Variants in ZNF32 observed in about 807,000 individuals in gnomAD.
The protein encoded by ZNF32 is zinc finger protein 32.
In ZNF32, 13 loss-of-function variants were observed where a neutral mutation model predicts 24.4. The ratio of observed to expected loss-of-function variants is 0.53; its 90% CI spans 0.35 to 0.85. ZNF32 has a LOEUF of 0.85. Ranked by LOEUF, ZNF32 falls within the 40% of genes least tolerant of loss-of-function variation. The pLI is 0.01. For synonymous variants in ZNF32, 115 were observed against 117.4 expected (o/e 0.98, Z 0.13); for missense variants, 239 against 325.3 (o/e 0.73, Z 2.04).
rs1264912779 is a variant in ZNF32 at position 43,644,147 on chromosome 10, T to C, written c.725A>G (p.Glu242Gly). 1 of 1,614,206 alleles carries C rather than the reference T, an allele frequency of 6.2e-7. No individual in the cohort carries two copies. Among genetic ancestry groups the C allele is most frequent in the Non-Finnish European group, 8.5e-7 (1 of 1,180,038 alleles). ...CILHGKIHTGETPYLCGQCGK... is the reference protein window; with the variant it reads ...CILHGKIHTGGTPYLCGQCGK... ...ACACTGGCCGCACAGATAGGGTGTC[T>C]CTCCTGTGTGGATTTTGCCATGCAG... Residue 242 changes from glutamate (E) to glycine (G), a missense_variant, in exon 3 of 3, where the codon GAG becomes GGG. Glu to Gly is a moderately conservative substitution (Grantham distance 98). Transcript: ENST00000374433. This position sits in a 1 kb window ranked among gnomAD's most constrained non-coding sequence, Gnocchi z 5.3.
chr10:43,645,036 A>G (rs533532700), intron 2 of ZNF32: 87 of 450,896 alleles, frequency 1.9e-4, no homozygotes, highest in African/African-American at 1.5e-3. Flanking sequence ...CATTCTCCAT[A>G]GCAGTGTACT....
intron 1 of ZNF32, chr10:43,647,549 C>G (rs925775300): frequency 1.3e-5 from 2 of 152,160 alleles, no homozygotes; most frequent in Admixed American, 1.3e-4. Context: ...TGCTACCATT[C>G]TTTGTTTTGT....
chr10:43,648,453 G>T (rs1332087864), intron 1 of ZNF32: 3 of 152,086 alleles, frequency 2.0e-5, no homozygotes, highest in Non-Finnish European at 4.4e-5. Flanking sequence ...AGCCCGCACG[G>T]AGGCCGGGTG....
rs763203351 is a variant in ZNF32, at chr10:43,646,112, T to TA, written c.21dup (p.Thr8TyrfsTer21). ...TATCTTCCATGACAGTCCAGCAGGG[T>TA]AGCTGTTGGAAATCCAAACATGTCC... On this transcript the variant is annotated frameshift_variant, in exon 2 of 3. Coordinates refer to ENST00000374433, the MANE Select transcript of ZNF32 (RefSeq NM_006973.3). LOFTEE classifies it high-confidence loss of function. 2 of 1,614,102 alleles carry TA rather than the reference T, an allele frequency of 1.2e-6. No homozygotes were observed. Among genetic ancestry groups the TA allele is most frequent in the Non-Finnish European group, 1.7e-6 (2 of 1,179,996 alleles).
At position 43,644,444 on chromosome 10, in the gene ZNF32, C is replaced by A; in HGVS notation, c.428G>T (p.Ser143Ile). 6.2e-7 allele frequency: 1 copy of A among 1,614,198 alleles called. No homozygotes were observed. The highest frequency in any genetic ancestry group is 8.5e-7 in the Non-Finnish European group (1 of 1,180,030). Residue 143 changes from serine (S) to isoleucine (I), a missense_variant, in exon 3 of 3, where the codon AGT becomes ATT. By Grantham distance (142) the Ser-to-Ile change is moderately radical. Coordinates refer to ENST00000374433, the MANE Select transcript of ZNF32 (RefSeq NM_006973.3). The surrounding 1 kb of genome is among the most constrained non-coding windows in gnomAD (Gnocchi z 5.3). ...YQCKECGKSF[S>I]QRGSLAVHER... is the part of the protein sequence containing the mutation. ...GTGGACAGCGAGACTACCTCGTTGA[C>A]TGAAGCTTTTCCCACACTCCTTGCA...
Position 43,644,824 on chromosome 10 carries a change from A to G in ZNF32, c.71-23T>C. Reference sequence around the variant, plus strand: ...CATCTGATAAAATGAGAGGGAAGTCATATAAGAAGCACCAATAATGCTGAG... The same window carrying G: ...CATCTGATAAAATGAGAGGGAAGTCGTATAAGAAGCACCAATAATGCTGAG... On this transcript the variant is annotated intron_variant, in intron 2 of 2. Coordinates refer to ENST00000374433, the MANE Select transcript of ZNF32 (RefSeq NM_006973.3). This position sits in a 1 kb window ranked among gnomAD's most constrained non-coding sequence, Gnocchi z 5.3. 1 of 1,558,290 alleles carries G rather than the reference A, an allele frequency of 6.4e-7. No homozygotes were observed. The highest frequency in any genetic ancestry group is 8.6e-7 in the Non-Finnish European group (1 of 1,157,262).
Position 43,644,365 on chromosome 10 carries a change from G to A in ZNF32, c.507C>T (p.Ser169=). The A allele has an allele frequency of 6.2e-7, 1 of 1,613,556 alleles. No homozygotes were observed. Among genetic ancestry groups the A allele is most frequent in the Non-Finnish European group, 8.5e-7 (1 of 1,179,590 alleles). Residue 169 remains serine, a synonymous_variant, in exon 3 of 3, where the codon AGC becomes AGT. Transcript: ENST00000374433. This position sits in a 1 kb window ranked among gnomAD's most constrained non-coding sequence, Gnocchi z 5.3. ...KPYECAICQR[S]FRNQSNLAVH... ...CAGCAAGGTTACTCTGATTCCTGAA[G>A]CTTCTCTGACAAATAGCACACTCGT...
intron 2 of ZNF32, among the ~76,000 whole-genome samples, chr10:43,645,656 T>C (rs1343969747): frequency 2.0e-5 from 3 of 152,200 alleles, no homozygotes; most frequent in Non-Finnish European, 2.9e-5. Flanking sequence ...TTATTCTCTA[T>C]GCAGATATTG....
Position 43,646,059 on chromosome 10 carries a change from C to G in ZNF32, c.70+5G>C. 1 of 1,614,096 alleles carries G rather than the reference C, an allele frequency of 6.2e-7. No individual in the cohort carries two copies. The highest frequency in any genetic ancestry group is 8.5e-7 in the Non-Finnish European group (1 of 1,179,986). Reference sequence around the variant, plus strand: ...GCGCATCCAGCCATCAACTGACTCACTCACTGAAGAACGCTACATTCTGGG... The same window carrying G: ...GCGCATCCAGCCATCAACTGACTCAGTCACTGAAGAACGCTACATTCTGGG... On this transcript the variant is annotated splice_donor_5th_base_variant and intron_variant, in intron 2 of 2. Coordinates refer to ENST00000374433, the MANE Select transcript of ZNF32 (RefSeq NM_006973.3).
intron 1 of ZNF32, 166 bp from the exon 2 acceptor site, chr10:43,646,368 C>T (rs1839288296): frequency 2.0e-6 from 1 of 501,064 alleles, no homozygotes; most frequent in South Asian, 2.2e-5. Flanking sequence ...CCAAAGGTAC[C>T]AGGACCACAC....
intron 2 of ZNF32, chr10:43,645,807 G>T: frequency 1.9e-6 from 1 of 527,094 alleles, no homozygotes; most frequent in Non-Finnish European, 2.9e-6. Context: ...CTTATTCAGA[G>T]ACAGTGCTGA....
chr10:43,644,239 G>A lies in ZNF32; in HGVS notation c.633C>T (p.His211=). The part of the protein sequence containing the change: ...KGSLIVHIRV[H]TGLKPYACTQ... ...TACAGGCATAGGGCTTCAGGCCTGT[G>A]TGGACTCTGATGTGAACAATTAAGC... Residue 211 remains histidine (H), a synonymous_variant, in exon 3 of 3, where the codon CAC becomes CAT. Transcript: ENST00000374433. The surrounding 1 kb of genome is among the most constrained non-coding windows in gnomAD (Gnocchi z 5.3). 1 of 1,614,240 alleles carries A rather than the reference G, an allele frequency of 6.2e-7. No homozygotes were observed. The highest frequency in any genetic ancestry group is 8.5e-7 in the Non-Finnish European group (1 of 1,180,046).
At position 43,644,367 on chromosome 10, in the gene ZNF32, TTC is replaced by T. The variant is rs1329049327; in HGVS notation, c.503_504del (p.Arg168LysfsTer7). 1.2e-6 allele frequency: 2 copies of T among 1,613,490 alleles called. No homozygotes were observed. Among genetic ancestry groups the T allele is most frequent in the Non-Finnish European group, 1.7e-6 (2 of 1,179,638 alleles). ...QKPYECAICQ[R>X]SFRNQSNLAV... The stretch of plus-strand genomic sequence containing the variant: ...GCAAGGTTACTCTGATTCCTGAAGC[TTC>T]TCTGACAAATAGCACACTCGTAGGG... On this transcript the variant is annotated frameshift_variant, in exon 3 of 3. Coordinates refer to ENST00000374433, the MANE Select transcript of ZNF32 (RefSeq NM_006973.3). LOFTEE classifies it high-confidence loss of function. The surrounding 1 kb of genome is among the most constrained non-coding windows in gnomAD (Gnocchi z 5.3).
At position 43,644,651 on chromosome 10, in the gene ZNF32, T is replaced by G; in HGVS notation, c.221A>C (p.Gln74Pro). The G allele has an allele frequency of 6.2e-7, 1 of 1,614,210 alleles. No individual in the cohort carries two copies. The highest frequency in any genetic ancestry group is 8.5e-7 in the Non-Finnish European group (1 of 1,180,036). ...TLQEDSPGVR[Q>P]RVYECQECGK... Reference sequence around the variant, plus strand: ...ACACTCCTGGCACTCATAGACCCTTTGTCTCACTCCAGGTGAATCTTCCTG... The same window carrying G: ...ACACTCCTGGCACTCATAGACCCTTGGTCTCACTCCAGGTGAATCTTCCTG... Residue 74 changes from glutamine (Q) to proline (P), a missense_variant, in exon 3 of 3, where the codon CAA (glutamine) becomes CCA (proline). Transcript: ENST00000374433. The surrounding 1 kb of genome is among the most constrained non-coding windows in gnomAD (Gnocchi z 5.3).
chr10:43,644,512 A>C lies in ZNF32; in HGVS notation c.360T>G (p.Leu120=), dbSNP rs773496756. The change falls in exon 3 of 3, where the codon CTT becomes CTG. Residue 120 remains leucine (L), a synonymous_variant. Coordinates refer to ENST00000374433, the MANE Select transcript of ZNF32 (RefSeq NM_006973.3). This position sits in a 1 kb window ranked among gnomAD's most constrained non-coding sequence, Gnocchi z 5.3. ...CGKSFRAKGN[L]VTHQRIHTGE... is the part of the protein sequence containing the mutation. ...CCGTGTGTATCCGTTGATGTGTAAC[A>C]AGATTGCCTTTGGCCCTGAAGCTTT... The C allele has an allele frequency of 6.2e-7, 1 of 1,614,176 alleles. No homozygotes were observed. Among genetic ancestry groups the C allele is most frequent in the Non-Finnish European group, 8.5e-7 (1 of 1,180,036 alleles).
At position 43,644,438 on chromosome 10, in the gene ZNF32, C is replaced by T. The variant is rs757110927; in HGVS notation, c.434G>A (p.Arg145Gln). 3.7e-6 allele frequency: 6 copies of T among 1,614,000 alleles called. No individual in the cohort carries two copies. The highest frequency in any genetic ancestry group is 2.7e-5 in the African/African-American group (2 of 74,906). The change falls in exon 3 of 3, where the codon CGA becomes CAA. Residue 145 changes from arginine (R) to glutamine (Q), a missense_variant. By Grantham distance (43) the Arg-to-Gln change is conservative (BLOSUM62 1). Coordinates refer to ENST00000374433, the MANE Select transcript of ZNF32 (RefSeq NM_006973.3). The surrounding 1 kb of genome is among the most constrained non-coding windows in gnomAD (Gnocchi z 5.3). ...CKECGKSFSQ[R>Q]GSLAVHERLH... ...TCTCTCGTGGACAGCGAGACTACCT[C>T]GTTGACTGAAGCTTTTCCCACACTC...
At position 43,644,061 on chromosome 10, in the gene ZNF32, G is replaced by C; in HGVS notation, c.811C>G (p.Leu271Val). The change falls in exon 3 of 3, where the codon CTC (leucine) becomes GTC (valine). Residue 271 changes from leucine to valine, a missense_variant. Transcript: ENST00000374433. This position sits in a 1 kb window ranked among gnomAD's most constrained non-coding sequence, Gnocchi z 5.3. ...CTTCAGGAAAGTGGTCAAAGGGTGA[G>C]CCTCTGTGAGCAGCTTCGCTGGTGC... ...AVHQRSCSQR[L>V]TL is the part of the protein sequence containing the mutation. The C allele has an allele frequency of 6.2e-7, 1 of 1,612,436 alleles. No homozygotes were observed. The highest frequency in any genetic ancestry group is 8.5e-7 in the Non-Finnish European group (1 of 1,179,212).
Position 43,644,225 on chromosome 10 carries a change from G to A in ZNF32, c.647C>T (p.Pro216Leu), listed in dbSNP as rs1295292246. ...VHIRVHTGLK[P>L]YACTQCRKSF... ...CTTCCTGCACTGGGTACAGGCATAG[G>A]GCTTCAGGCCTGTGTGGACTCTGAT... Residue 216 changes from proline to leucine, a missense_variant, in exon 3 of 3, where the codon CCC becomes CTC. Physicochemically the swap from Pro to Leu is moderately conservative, Grantham distance 98. Coordinates refer to ENST00000374433, the MANE Select transcript of ZNF32 (RefSeq NM_006973.3). The surrounding 1 kb of genome is among the most constrained non-coding windows in gnomAD (Gnocchi z 5.3). 1 of 1,614,204 alleles carries A rather than the reference G, an allele frequency of 6.2e-7. No homozygotes were observed. Among genetic ancestry groups the A allele is most frequent in the Non-Finnish European group, 8.5e-7 (1 of 1,180,030 alleles).
chr10:43,648,086 C>G (rs1839378059), intron 1 of ZNF32: 1 of 152,198 alleles, frequency 6.6e-6, no homozygotes, highest in African/African-American at 2.4e-5. Context: ...CTTGCCGTGG[C>G]TCCCCCAGGA....
Sources: gnomAD v4.1 joint callset for allele counts (sites outside exome capture counted in the v4.1 genomes callset) on GRCh38, gnomAD v4.1.1 for gene constraint, Gnocchi (gnomAD v3.1) non-coding constraint, MANE v1.5 for transcripts, NCBI Gene and HGNC (gene_info 2026-07-23, HGNC 2026-07-21) for gene names.